Variants in CASP8 observed in about 807,000 individuals in gnomAD.
CASP8 encodes the protein caspase-8.
In CASP8, 24 loss-of-function variants were observed where a neutral mutation model predicts 46.3. That is an observed-to-expected ratio of 0.52 (90% confidence interval 0.38 to 0.73). CASP8 has a LOEUF of 0.73. Ranked by LOEUF, CASP8 falls within the 30% of genes least tolerant of loss-of-function variation. The probability of loss-of-function intolerance (pLI) is 0.00; values close to 1 mark genes in which losing one functional copy is unlikely to be tolerated. For missense variants in CASP8, 460 were observed against 559.0 expected, an observed-to-expected ratio of 0.82 and a Z score of 1.79; for synonymous variants, 188 against 200.4, an observed-to-expected ratio of 0.94 and a Z score of 0.52.
At chr2:201,283,169 C>A (rs1243286219) in intron 7 of CASP8, among the ~76,000 whole-genome samples, 3 of 65,532 alleles carry the variant, frequency 4.6e-5, no homozygotes, top group Non-Finnish European at 7.1e-5. Context: ...TAGGGGCGGC[C>A]GGGCAGAGGC....
intron 3 of CASP8, 39 bp downstream of exon 3, chr2:201,271,660 T>C: frequency 7.8e-7 from 1 of 1,284,636 alleles, no homozygotes; most frequent in East Asian, 2.3e-5. Context: ...GTCCTGAGAC[T>C]TGGTTAGCCA....
upstream of CASP8, chr2:201,258,346 T>TC (rs1559341067): frequency 1.9e-6 from 3 of 1,614,072 alleles, no homozygotes; most frequent in South Asian, 3.3e-5. Context: ...GTTAGGGGAC[T>TC]CGGAGACTGC....
intron 2 of CASP8, among the ~76,000 whole-genome samples, chr2:201,237,460 AAAAAAGAAAAGAAAAAAG>A (rs1251202737): frequency 1.4e-4 from 21 of 150,138 alleles, no homozygotes; most frequent in Non-Finnish European, 2.2e-4. Flanking sequence ...AAAAAAAAGG[AAAAAAGAAAAGAAAAAAG>A]AAAAAGAAAA....
At chr2:201,244,769 G>C (rs1006273446) in intron 2 of CASP8, among the ~76,000 whole-genome samples, 3 of 152,148 alleles carry the variant, frequency 2.0e-5, no homozygotes, top group Non-Finnish European at 4.4e-5. Flanking sequence ...TTTTTTAATA[G>C]CTAATCTAAT....
intron 2 of CASP8, among the ~76,000 whole-genome samples, chr2:201,234,674 G>C (rs959773460): frequency 6.6e-6 from 1 of 151,794 alleles, no homozygotes; most frequent in African/African-American, 2.4e-5. Flanking sequence ...GGCCAGGCTG[G>C]TCTCAAACTT....
At chr2:201,237,524 A>C (rs1946110017) in intron 2 of CASP8, among the ~76,000 whole-genome samples, 1 of 152,176 alleles carries the variant, frequency 6.6e-6, no homozygotes, top group Non-Finnish European at 1.5e-5. Flanking sequence ...GAAAAATAGA[A>C]AATTAGAAGA....
In CASP8 at chr2:201,266,590, A is replaced by T. The variant is rs1402540575; in HGVS notation, c.104A>T (p.Gln35Leu). The T allele has an allele frequency of 1.2e-6, 2 of 1,614,246 alleles. No individual in the cohort carries two copies. Among genetic ancestry groups the T allele is most frequent in the Non-Finnish European group, 1.7e-6 (2 of 1,180,032 alleles). ...CTGGACTACATTCCGCAAAGGAAGC[A>T]AGAACCCATCAAGGATGCCTTGATG... ...LSLDYIPQRK[Q>L]EPIKDALMLF... Residue 35 changes from glutamine (Q) to leucine (L), a missense_variant, in exon 2 of 9, where the codon CAA becomes CTA. Coordinates refer to ENST00000673742, the MANE Select transcript of CASP8 (RefSeq NM_001372051.1). This position sits in a 1 kb window ranked among gnomAD's most constrained non-coding sequence, Gnocchi z 5.7.
At position 201,266,567 on chromosome 2, in the gene CASP8, G is replaced by A; in HGVS notation, c.81G>A (p.Leu27=). ...EDLASLKFLS[L]DYIPQRKQEP... ...TGGCCTCCCTCAAGTTCCTGAGCCT[G>A]GACTACATTCCGCAAAGGAAGCAAG... The change falls in exon 2 of 9, where the codon CTG becomes CTA. Residue 27 remains leucine (L), a synonymous_variant. Transcript: ENST00000673742. The surrounding 1 kb of genome is among the most constrained non-coding windows in gnomAD (Gnocchi z 5.7). 6.2e-7 allele frequency: 1 copy of A among 1,614,070 alleles called. No homozygotes were observed. Among genetic ancestry groups the A allele is most frequent in the African/African-American group, 1.3e-5 (1 of 75,004 alleles).
At chr2:201,284,781 T>C (rs772548556) in intron 7 of CASP8, 35 bp from the exon 8 acceptor site, 3 of 1,590,828 alleles carry the variant, frequency 1.9e-6, no homozygotes, top group Non-Finnish European at 2.6e-6. Flanking sequence ...TGAATTACTG[T>C]GGTATAACGT....
At chr2:201,247,328 T>C (rs1490679634) in intron 2 of CASP8, among the ~76,000 whole-genome samples, 1 of 151,862 alleles carries the variant, frequency 6.6e-6, no homozygotes, top group Non-Finnish European at 1.5e-5. Flanking sequence ...ACTGCATGTA[T>C]GTGAATTAGG....
At chr2:201,277,941 T>G (rs1409714395) in intron 7 of CASP8, 2 of 201,980 alleles carry the variant, frequency 9.9e-6, no homozygotes, top group Non-Finnish European at 2.1e-5. Context: ...CCTCAAGTGA[T>G]CCGCCTGCCT....
intron 7 of CASP8, among the ~76,000 whole-genome samples, chr2:201,283,449 C>A (rs1273422192): frequency 3.1e-5 from 2 of 64,952 alleles, no homozygotes; most frequent in South Asian, 9.3e-4. Context: ...GGGGTTGACC[C>A]CCCCACCTCC....
At chr2:201,251,423 C>A (rs1214737356) in intron 2 of CASP8, among the ~76,000 whole-genome samples, 2 of 151,418 alleles carry the variant, frequency 1.3e-5, no homozygotes, top group African/African-American at 4.9e-5. Context: ...GAAACCTCAT[C>A]TCTACTAAAA....
rs577264458 is a variant in CASP8, at chr2:201,274,903, G to A, written c.610G>A (p.Gly204Arg). ...GTTGTTTGCAGGGGAGGAGTTGTGT[G>A]GGGTAATGACAATCTCGGACTCTCC... ...DEFSNGEELC[G>R]VMTISDSPRE... The change falls in exon 6 of 9, where the codon GGG becomes AGG. Residue 204 changes from glycine (G) to arginine (R), a missense_variant. Transcript: ENST00000673742. The A allele has an allele frequency of 1.3e-5, 21 of 1,613,118 alleles. No homozygotes were observed. The highest frequency in any genetic ancestry group is 1.8e-5 in the Non-Finnish European group (21 of 1,179,240).
intron 2 of CASP8, among the ~76,000 whole-genome samples, chr2:201,249,342 C>T (rs1406895741): frequency 2.0e-5 from 3 of 152,230 alleles, no homozygotes; most frequent in Non-Finnish European, 4.4e-5. Flanking sequence ...CACTTCACCT[C>T]ATTGTCACCT....
chr2:201,281,417 GA>G (rs1224066670), intron 7 of CASP8, among the ~76,000 whole-genome samples: 1 of 152,138 alleles, frequency 6.6e-6, no homozygotes, highest in African/African-American at 2.4e-5. Context: ...AACTCAATGC[GA>G]AAGTCTAAAA....
At chr2:201,246,667 A>G (rs895581805) in intron 2 of CASP8, among the ~76,000 whole-genome samples, 6 of 151,988 alleles carry the variant, frequency 3.9e-5, no homozygotes, top group African/African-American at 1.2e-4. Context: ...ACCATTCCAC[A>G]CCAGGATCTG....
rs538715913 is a variant in CASP8 at position 201,234,763 on chromosome 2, T to C, written c.-27+651T>C. ...CCTGAGCCACTGCACCCGGCTGATTTCACATTTTTAGATAATATGACCACA... is the reference window on the plus strand; with the variant it reads ...CCTGAGCCACTGCACCCGGCTGATTCCACATTTTTAGATAATATGACCACA... On this transcript the variant is annotated intron_variant, in intron 2 of 6. Transcript: ENST00000264274. Among the ~76,000 whole-genome samples, 7 of 152,220 alleles carry C rather than the reference T, an allele frequency of 4.6e-5. No homozygotes were observed. The South Asian group carries it at 1.5e-3, about 32-fold the overall frequency.
chr2:201,252,668 C>A (rs1264369745), intron 2 of CASP8, among the ~76,000 whole-genome samples: 1 of 152,222 alleles, frequency 6.6e-6, no homozygotes, highest in Non-Finnish European at 1.5e-5. Context: ...TCCCCCACAA[C>A]AACATGTCAT....
Sources: allele counts gnomAD v4.1 joint callset (sites outside exome capture counted in the v4.1 genomes callset), GRCh38; gene constraint gnomAD v4.1.1; non-coding constraint Gnocchi (gnomAD v3.1); transcripts MANE v1.5; gene names NCBI Gene and HGNC (gene_info 2026-07-23, HGNC 2026-07-21).